The following ARHGEF10 variants were observed in gnomAD, a reference collection of about 807,000 sequenced individuals.
The protein encoded by ARHGEF10 is Rho guanine nucleotide exchange factor (GEF) 10.
ARHGEF10 carries 140 observed loss-of-function variants against 147.4 expected under a neutral mutation model. The observed-to-expected ratio is 0.95, with a 90% CI of 0.83 to 1.09. ARHGEF10 has a LOEUF of 1.09. ARHGEF10 is among the 50% of genes least tolerant of loss of function. The pLI is 0.00. For synonymous variants in ARHGEF10, 902 were observed against 695.8 expected, an observed-to-expected ratio of 1.30 and a Z score of -4.67; for missense variants, 2,222 against 1,752.7, an observed-to-expected ratio of 1.27 and a Z score of -4.78.
intron 7 of ARHGEF10, among the ~76,000 whole-genome samples, chr8:1,871,674 C>T (rs1237121452): frequency 3.9e-5 from 6 of 152,138 alleles, no homozygotes; most frequent in East Asian, 1.9e-4. Context: ...AAAAATTAGC[C>T]GGGCATGATG....
chr8:1,860,238 C>A, intron 4 of ARHGEF10, 54 bp downstream of exon 4: 1 of 1,595,618 alleles, frequency 6.3e-7, no homozygotes, highest in South Asian at 1.1e-5. Flanking sequence ...TCCCTCCTCT[C>A]CACGCCCCCG....
chr8:1,893,705 A>T, intron 12 of ARHGEF10, 59 bp downstream of exon 12: 1 of 1,324,422 alleles, frequency 7.6e-7, no homozygotes, highest in Non-Finnish European at 1.1e-6. Context: ...TTACCTATAT[A>T]CATTTTGATC....
chr8:1,944,192 C>T (rs1196716348), intron 26 of ARHGEF10, among the ~76,000 whole-genome samples: 5 of 151,784 alleles, frequency 3.3e-5, no homozygotes, highest in Admixed American at 2.0e-4. Flanking sequence ...TGCTACCTCC[C>T]TGGGGACCCC....
intron 8 of ARHGEF10, among the ~76,000 whole-genome samples, chr8:1,877,084 G>A (rs558957804): frequency 3.3e-5 from 5 of 152,306 alleles, no homozygotes; most frequent in South Asian, 4.1e-4. Context: ...AGATGGGATC[G>A]GGGTTCCCTA....
rs1320876572 is a variant in ARHGEF10, at chr8:1,828,577, G to A, written c.-48+4464G>A. Among the ~76,000 whole-genome samples the A allele has an allele frequency of 2.9e-5, 4 of 139,842 alleles. No homozygotes were observed. The South Asian group carries it at 7.7e-4, about 27-fold the overall frequency. The allele number at this position is 139,842 out of a possible 152,430, so 91.7% of individuals were successfully genotyped here. The stretch of plus-strand genomic sequence containing the variant: ...AGGAATTACATTTTGATAAACTGTG[G>A]CATGCACACTTCCTGTTTTAAGGAA... On this transcript the variant is annotated intron_variant, in intron 1 of 28. Transcript: ENST00000349830.
In ARHGEF10 at chr8:1,916,331, A is replaced by G. The variant is rs529214640; in HGVS notation, c.2144-6633A>G. Among the ~76,000 whole-genome samples the G allele has an allele frequency of 2.0e-5, 3 of 152,338 alleles. No homozygotes were observed. In the South Asian group the frequency reaches 6.2e-4, roughly 32 times the overall value. On this transcript the variant is annotated intron_variant, in intron 18 of 28. Coordinates refer to ENST00000349830, the MANE Select transcript of ARHGEF10 (RefSeq NM_014629.4). Reference sequence around the variant, plus strand: ...ACACATACAAGTTAGGTGTTGAGCAAATTAATATTATGTTCTGGGTTTTTG... The same window carrying G: ...ACACATACAAGTTAGGTGTTGAGCAGATTAATATTATGTTCTGGGTTTTTG...
At chr8:1,892,029 A>G (rs965878756) in intron 11 of ARHGEF10, among the ~76,000 whole-genome samples, 12 of 149,088 alleles carry the variant, frequency 8.0e-5, no homozygotes, top group Non-Finnish European at 1.6e-4. Context: ...TATATAACAT[A>G]TTATATATAT....
At chr8:1,890,011 CTG>C (rs1406626672) in intron 11 of ARHGEF10, among the ~76,000 whole-genome samples, 1 of 136,652 alleles carries the variant, frequency 7.3e-6, no homozygotes, top group African/African-American at 3.0e-5. Flanking sequence ...TGAGGAGACA[CTG>C]AGTGCGGTGA....
chr8:1,914,016 G>A (rs1585516276), intron 18 of ARHGEF10, among the ~76,000 whole-genome samples: 1 of 152,260 alleles, frequency 6.6e-6, no homozygotes, highest in African/African-American at 2.4e-5. Flanking sequence ...GGAGCTCCCA[G>A]AAAACACAGT....
At chr8:1,841,586 TGGGGGCA>T (rs2129049176) in intron 1 of ARHGEF10, among the ~76,000 whole-genome samples, 1 of 151,980 alleles carries the variant, frequency 6.6e-6, no homozygotes, top group South Asian at 2.1e-4. Context: ...CGCGGCTCCC[TGGGGGCA>T]GGGAGTAGGG....
At chr8:1,898,577 C>G in intron 15 of ARHGEF10, 52 bp downstream of exon 15, 2 of 1,563,922 alleles carry the variant, frequency 1.3e-6, no homozygotes, top group Non-Finnish European at 1.8e-6. Context: ...TCGCCCATGA[C>G]TCATTTGAAA....
intron 10 of ARHGEF10, among the ~76,000 whole-genome samples, chr8:1,885,133 A>G (rs1173288561): frequency 1.3e-5 from 2 of 152,194 alleles, no homozygotes; most frequent in African/African-American, 4.8e-5. Flanking sequence ...ATCCAGTGAG[A>G]GAGACAGAAG....
intron 11 of ARHGEF10, among the ~76,000 whole-genome samples, chr8:1,887,066 C>G (rs1808725191): frequency 6.6e-6 from 1 of 152,186 alleles, no homozygotes; most frequent in South Asian, 2.1e-4. Flanking sequence ...ATGAGGCGCT[C>G]AATAGGATGA....
intron 11 of ARHGEF10, among the ~76,000 whole-genome samples, chr8:1,886,400 A>C (rs188980801): frequency 3.1e-3 from 465 of 152,366 alleles, no homozygotes; most frequent in Non-Finnish European, 4.9e-3. Context: ...GATCCCTGAT[A>C]CAGGTAGGCA....
chr8:1,926,501 G>T (rs750778427), intron 23 of ARHGEF10, 38 bp downstream of exon 23: 4 of 1,568,350 alleles, frequency 2.6e-6, no homozygotes, highest in Non-Finnish European at 3.5e-6. Context: ...CAAGTTCACA[G>T]AGAATCAACG....
At chr8:1,828,820 T>TA (rs1181108865) in intron 1 of ARHGEF10, among the ~76,000 whole-genome samples, 3 of 152,002 alleles carry the variant, frequency 2.0e-5, no homozygotes, top group Non-Finnish European at 4.4e-5. Flanking sequence ...CATGCACACT[T>TA]ACGGTTTTAA....
chr8:1,872,046 A>C (rs1807171069), intron 7 of ARHGEF10, among the ~76,000 whole-genome samples: 1 of 152,134 alleles, frequency 6.6e-6, no homozygotes, highest in African/African-American at 2.4e-5. Context: ...TGACACAGAG[A>C]AAGAGGGGAG....
At chr8:1,924,799 A>G (rs925531584) in intron 21 of ARHGEF10, among the ~76,000 whole-genome samples, 1 of 152,240 alleles carries the variant, frequency 6.6e-6, no homozygotes. Flanking sequence ...CAGATCAGCT[A>G]TATATTCTTT....
rs1220003415 is a variant in ARHGEF10 at position 1,956,741 on chromosome 8, C to G, written c.3521-8C>G. ...AAAAGACAGCTGTTGAACTGTTTCCCTTTTCAGGAAGAGGCATGGTCTCCT... is the reference window on the plus strand; with the variant it reads ...AAAAGACAGCTGTTGAACTGTTTCCGTTTTCAGGAAGAGGCATGGTCTCCT... On this transcript the variant is annotated splice_region_variant and splice_polypyrimidine_tract_variant and intron_variant, in intron 28 of 28. Transcript: ENST00000349830. 6.2e-7 allele frequency: 1 copy of G among 1,613,596 alleles called. No individual in the cohort carries two copies. Among genetic ancestry groups the G allele is most frequent in the Non-Finnish European group, 8.5e-7 (1 of 1,179,936 alleles).
Sources: allele counts gnomAD v4.1 joint callset (sites outside exome capture counted in the v4.1 genomes callset), GRCh38; gene constraint gnomAD v4.1.1; transcripts MANE v1.5; gene names NCBI Gene and HGNC (gene_info 2026-07-23, HGNC 2026-07-21).